Variants in MACROD2 observed in about 807,000 individuals in gnomAD.
The protein encoded by MACROD2 is ADP-ribose glycohydrolase MACROD2.
A neutral mutation model predicts 70.4 loss-of-function variants in MACROD2; 36 were observed. That is an observed-to-expected ratio of 0.51 (90% CI 0.39 to 0.68). The LOEUF (loss-of-function observed/expected upper bound fraction) is 0.68. Among genes scored for constraint, MACROD2 ranks in the 30% least tolerant of loss-of-function variants. MACROD2 has a pLI of 0.00. For missense variants in MACROD2, 496 were observed against 538.4 expected (o/e 0.92, Z 0.78); for synonymous variants, 172 against 178.8 (o/e 0.96, Z 0.30).
chr20:14,735,293 G>C (rs1372597944), intron 5 of MACROD2, among the ~76,000 whole-genome samples: 2 of 152,016 alleles, frequency 1.3e-5, no homozygotes, highest in Admixed American at 1.3e-4. Context: ...AACTGAAAGA[G>C]AAACAATGTA....
At position 14,960,341 on chromosome 20, in the gene MACROD2, T is replaced by TC. The variant is rs757457890; in HGVS notation, c.419-269594dup. Among the ~76,000 whole-genome samples the TC allele has an allele frequency of 1.2e-3, 177 of 152,260 alleles. 4 individuals carry two copies. The highest frequency in any genetic ancestry group is 1.5e-3 in the Non-Finnish European group (103 of 68,020). The stretch of plus-strand genomic sequence containing the variant: ...CACTGGGAGAGAAGGTGGAGAATGT[T>TC]CCCCCAGCAGAAAGCTCCCACACCA... On this transcript the variant is annotated intron_variant, in intron 5 of 17. Transcript: ENST00000684519.
chr20:15,236,911 A>G (rs1255417282), intron 6 of MACROD2, among the ~76,000 whole-genome samples: 1 of 152,086 alleles, frequency 6.6e-6, no homozygotes, highest in African/African-American at 2.4e-5. Flanking sequence ...TCTTTCCTCC[A>G]TTATTATGTG....
chr20:15,021,240 C>CTGGACACACG (rs2075175784), intron 5 of MACROD2, among the ~76,000 whole-genome samples: 2 of 62,716 alleles, frequency 3.2e-5, no homozygotes, highest in Non-Finnish European at 5.9e-5. Context: ...ATACACACAC[C>CTGGACACACG]TGTGTGTATG....
In MACROD2 at chr20:15,948,469, T is replaced by C. The variant is rs539488849; in HGVS notation, c.907+10925T>C. Among the ~76,000 whole-genome samples, 4 of 150,474 alleles carry C rather than the reference T, an allele frequency of 2.7e-5. No homozygotes were observed. In the South Asian group the frequency reaches 6.4e-4, roughly 24 times the overall value. The stretch of plus-strand genomic sequence containing the variant: ...TTTAATTCTAATATTATAGCCACTT[T>C]CCCAAATTTGTTTTTTACTATGATT... On this transcript the variant is annotated intron_variant, in intron 12 of 17. Transcript: ENST00000684519.
chr20:15,424,881 A>C (rs6043268), intron 6 of MACROD2, among the ~76,000 whole-genome samples: 1 of 152,052 alleles, frequency 6.6e-6, no homozygotes, highest in African/African-American at 2.4e-5. Flanking sequence ...CTATACACAT[A>C]CACACTTGGT....
In MACROD2 at chr20:14,055,256, T is replaced by C. The variant is rs6135047; in HGVS notation, c.164-30365T>C. On this transcript the variant is annotated intron_variant, in intron 2 of 17. Transcript: ENST00000684519. ...AGTACTTACAAATGGATTAAACACA[T>C]TGGCGTTCTTTATAGTTTTACTCTG... 5.3e-5 allele frequency among the ~76,000 whole-genome samples: 8 copies of C among 152,290 alleles called. No individual in the cohort carries two copies. The East Asian group carries it at 1.5e-3, about 29-fold the overall frequency.
At chr20:14,469,003 A>G (rs1349026798) in intron 3 of MACROD2, among the ~76,000 whole-genome samples, 2 of 151,976 alleles carry the variant, frequency 1.3e-5, no homozygotes, top group Non-Finnish European at 2.9e-5. Flanking sequence ...ATTTTAGTTG[A>G]TGCAGTTTCT....
chr20:15,513,324 G>C (rs995034242), intron 8 of MACROD2, among the ~76,000 whole-genome samples: 1 of 152,208 alleles, frequency 6.6e-6, no homozygotes, highest in Non-Finnish European at 1.5e-5. Context: ...GTTTTCTTTA[G>C]AGGTGATGAT....
At chr20:14,981,215 C>T (rs561402281) in intron 5 of MACROD2, among the ~76,000 whole-genome samples, 1 of 152,172 alleles carries the variant, frequency 6.6e-6, no homozygotes, top group East Asian at 1.9e-4. Context: ...CTGAAAGGTC[C>T]TTTATTCACT....
At chr20:15,204,972 A>C (rs575402044) in intron 5 of MACROD2, among the ~76,000 whole-genome samples, 4 of 152,254 alleles carry the variant, frequency 2.6e-5, no homozygotes, top group South Asian at 2.1e-4. Context: ...AGAGAAGGAA[A>C]GTAAACCTTT....
chr20:15,684,825 T>C (rs117047317), intron 8 of MACROD2, among the ~76,000 whole-genome samples: 1,993 of 152,238 alleles, frequency 0.013, 18 homozygotes, highest in Non-Finnish European at 0.02. Flanking sequence ...AGGAAAAAAA[T>C]TGAACATGCA....
chr20:14,235,919 TTA>T (rs1045994462), intron 3 of MACROD2, among the ~76,000 whole-genome samples: 13 of 9,170 alleles, frequency 1.4e-3, no homozygotes, highest in African/African-American at 3.0e-3. Flanking sequence ...AAAAACATAC[TTA>T]ATAGTATTAC....
intron 8 of MACROD2, among the ~76,000 whole-genome samples, chr20:15,600,849 T>C (rs552900539): frequency 6.6e-6 from 1 of 152,316 alleles, no homozygotes; most frequent in South Asian, 2.1e-4. Context: ...ATATATATTA[T>C]TGCTAGAAAA....
intron 6 of MACROD2, among the ~76,000 whole-genome samples, chr20:15,324,739 C>T (rs1239302958): frequency 6.6e-6 from 1 of 152,150 alleles, no homozygotes; most frequent in Non-Finnish European, 1.5e-5. Context: ...ATAAATCCCA[C>T]TGTCAAAGTC....
intron 5 of MACROD2, among the ~76,000 whole-genome samples, chr20:14,714,537 C>T (rs1286840574): frequency 6.6e-6 from 1 of 152,192 alleles, no homozygotes; most frequent in Non-Finnish European, 1.5e-5. Context: ...CCTACAAGAC[C>T]TGGCCTCTGC....
intron 8 of MACROD2, among the ~76,000 whole-genome samples, chr20:15,540,615 A>C (rs2047942132): frequency 6.6e-6 from 1 of 152,214 alleles, no homozygotes; most frequent in Non-Finnish European, 1.5e-5. Context: ...TGGTTTGCTA[A>C]GGCTTCTGTA....
intron 8 of MACROD2, among the ~76,000 whole-genome samples, chr20:15,599,565 G>C (rs2048791267): frequency 6.6e-6 from 1 of 152,072 alleles, no homozygotes; most frequent in Non-Finnish European, 1.5e-5. Flanking sequence ...TCACCTCCCT[G>C]AGTTCTCATC....
intron 8 of MACROD2, among the ~76,000 whole-genome samples, chr20:15,808,658 A>C (rs1215542864): frequency 6.6e-6 from 1 of 152,188 alleles, no homozygotes. Flanking sequence ...CATTTGACAG[A>C]TGCTAAATAT....
At chr20:15,077,293 A>T (rs1288384997) in intron 5 of MACROD2, among the ~76,000 whole-genome samples, 3 of 152,218 alleles carry the variant, frequency 2.0e-5, no homozygotes, top group Admixed American at 2.0e-4. Context: ...ATGAGTTAAT[A>T]ATGTAAGCTG....
Sources: gnomAD v4.1 joint callset for allele counts (sites outside exome capture counted in the v4.1 genomes callset) on GRCh38, gnomAD v4.1.1 for gene constraint, MANE v1.5 for transcripts, NCBI Gene and HGNC (gene_info 2026-07-23, HGNC 2026-07-21) for gene names.